Variants in PCDHA1 observed in about 807,000 individuals in gnomAD.
PCDHA1 encodes protocadherin alpha 1.
PCDHA1 carries 42 observed loss-of-function variants against 61.3 expected under a neutral mutation model. That is an observed-to-expected ratio of 0.69 (90% CI 0.54 to 0.89). The LOEUF (loss-of-function observed/expected upper bound fraction) is 0.89. PCDHA1 is among the 40% of genes least tolerant of loss of function. The pLI, the probability that PCDHA1 is intolerant of heterozygous loss-of-function variation, is 0.00. For missense variants in PCDHA1, 1,256 were observed against 1,235.3 expected (o/e 1.02, Z -0.25); for synonymous variants, 610 against 553.8 (o/e 1.10, Z -1.43).
At chr5:140,981,828 A>C (rs2096952526) in intron 2 of PCDHA1, among the ~76,000 whole-genome samples, 1 of 152,060 alleles carries the variant, frequency 6.6e-6, no homozygotes, top group Non-Finnish European at 1.5e-5. Context: ...GCTTGCCTCT[A>C]AAGGTCTCCC....
At chr5:140,842,527 G>T in intron 1 of PCDHA1, 1 of 1,613,310 alleles carries the variant, frequency 6.2e-7, no homozygotes, top group Non-Finnish European at 8.5e-7. Flanking sequence ...CCACCTTCAA[G>T]AATTACTACT....
chr5:140,862,620 G>T, intron 1 of PCDHA1: 1 of 528,384 alleles, frequency 1.9e-6, no homozygotes, highest in South Asian at 1.4e-5. Context: ...GTAACAACCC[G>T]CGGGGCTGCC....
At chr5:140,922,241 G>A (rs1314775680) in intron 1 of PCDHA1, among the ~76,000 whole-genome samples, 1 of 152,192 alleles carries the variant, frequency 6.6e-6, no homozygotes, top group Non-Finnish European at 1.5e-5. Context: ...TGATGTGTAT[G>A]AAGATAAGTT....
intron 1 of PCDHA1, chr5:140,928,607 G>T: frequency 1.2e-6 from 2 of 1,614,188 alleles, no homozygotes; most frequent in Non-Finnish European, 1.7e-6. Context: ...ATTGTGCCCC[G>T]CTCTGCCAGG....
intron 1 of PCDHA1, among the ~76,000 whole-genome samples, chr5:140,974,521 G>GT (rs1223492348): frequency 3.0e-4 from 45 of 152,208 alleles, no homozygotes; most frequent in African/African-American, 1.0e-3. Flanking sequence ...TTTTATTTTA[G>GT]TTTTTTTGAG....
At chr5:140,946,447 A>G (rs1206019841) in intron 1 of PCDHA1, among the ~76,000 whole-genome samples, 6 of 151,544 alleles carry the variant, frequency 4.0e-5, no homozygotes, top group Non-Finnish European at 7.4e-5. Context: ...AGACTAAAAC[A>G]ACTATCCAGC....
chr5:140,856,705 T>C lies in PCDHA1; in HGVS notation c.2394+68021T>C, dbSNP rs1180012715. 2.5e-6 allele frequency: 4 copies of C among 1,596,614 alleles called. No homozygotes were observed. The African/African-American group carries it at 5.4e-5, about 22-fold the overall frequency. ...TGACAGCAACTGATGGAGGCAAACC[T>C]GAATTTACCGGATCTGTTTCTCTGC... On this transcript the variant is annotated intron_variant, in intron 1 of 3. Transcript: ENST00000504120.
Position 140,796,991 on chromosome 5 carries a change from C to G in PCDHA1, c.2394+8307C>G, listed in dbSNP as rs75272992. On this transcript the variant is annotated intron_variant, in intron 1 of 3. Coordinates refer to ENST00000504120, the MANE Select transcript of PCDHA1 (RefSeq NM_018900.4). ...TCGTTGGTGGAAAGTGGCCAGGCAC[C>G]CAAGGCCTCGTCGCGGGCGTGGGTG... The G allele has an allele frequency of 4.3e-6, 7 of 1,613,756 alleles. No individual in the cohort carries two copies. The East Asian group carries it at 8.9e-5, about 21-fold the overall frequency.
intron 1 of PCDHA1, chr5:140,870,035 A>G (rs1490530166): frequency 1.2e-6 from 2 of 1,613,656 alleles, no homozygotes; most frequent in African/African-American, 2.7e-5. Context: ...GATTATGAAG[A>G]AAACAAGTTT....
At chr5:140,949,670 T>G (rs1218670800) in intron 1 of PCDHA1, among the ~76,000 whole-genome samples, 2 of 151,862 alleles carry the variant, frequency 1.3e-5, no homozygotes, top group African/African-American at 4.8e-5. Flanking sequence ...CTTTAAAGTA[T>G]GCCCTTGTTG....
intron 1 of PCDHA1, among the ~76,000 whole-genome samples, chr5:140,939,940 C>G (rs1438905083): frequency 6.6e-6 from 1 of 152,140 alleles, no homozygotes; most frequent in Non-Finnish European, 1.5e-5. Context: ...TTATCAGTTA[C>G]TGAGAAAATT....
intron 1 of PCDHA1, among the ~76,000 whole-genome samples, chr5:140,957,264 A>G (rs1554222901): frequency 1.3e-5 from 2 of 152,198 alleles, no homozygotes; most frequent in African/African-American, 2.4e-5. Flanking sequence ...ATATGTAAGC[A>G]CTAGTCCCCC....
intron 1 of PCDHA1, chr5:140,796,578 G>C (rs534491169): frequency 6.8e-6 from 11 of 1,613,324 alleles, no homozygotes; most frequent in South Asian, 1.1e-5. Flanking sequence ...TGAGCGCGCG[G>C]GATGCGGGCG....
At chr5:140,829,217 G>C (rs2150164060) in intron 1 of PCDHA1, 54 of 1,614,086 alleles carry the variant, frequency 3.3e-5, no homozygotes, top group Non-Finnish European at 4.3e-5. Flanking sequence ...TAGCGTGAAC[G>C]ACCTCGATTC....
rs553749529 is a variant in PCDHA1, at chr5:140,931,877, G to C, written c.2395-47072G>C. 3.3e-5 allele frequency among the ~76,000 whole-genome samples: 5 copies of C among 151,886 alleles called. No individual in the cohort carries two copies. The South Asian group carries it at 8.3e-4, about 25-fold the overall frequency. The stretch of plus-strand genomic sequence containing the variant: ...GGATTCTAGAAATAAAATATTTATT[G>C]CTTTCATTTTATTTCAAATCATTTG... On this transcript the variant is annotated intron_variant, in intron 1 of 3. Coordinates refer to ENST00000504120, the MANE Select transcript of PCDHA1 (RefSeq NM_018900.4).
chr5:140,841,900 G>A lies in PCDHA1; in HGVS notation c.2394+53216G>A. On this transcript the variant is annotated intron_variant, in intron 1 of 3. Coordinates refer to ENST00000504120, the MANE Select transcript of PCDHA1 (RefSeq NM_018900.4). ...AGAACGATGAGAATAAACTGGTTGA[G>A]CTCGTATTAAGAAAATCCTTGGACA... 4 of 1,613,856 alleles carry A rather than the reference G, an allele frequency of 2.5e-6. 1 individual carries two copies. Among genetic ancestry groups the A allele is most frequent in the Non-Finnish European group, 3.4e-6 (4 of 1,179,838 alleles).
At chr5:140,810,798 T>A (rs1554125570) in intron 1 of PCDHA1, 1 of 152,102 alleles carries the variant, frequency 6.6e-6, no homozygotes, top group Non-Finnish European at 1.5e-5. Context: ...TCATGGCTAG[T>A]TTTTAATTCT....
chr5:140,976,149 A>C (rs1397618914), intron 1 of PCDHA1, among the ~76,000 whole-genome samples: 1 of 152,182 alleles, frequency 6.6e-6, no homozygotes, highest in Non-Finnish European at 1.5e-5. Context: ...ACTCATGTAC[A>C]TTTTACTACT....
intron 1 of PCDHA1, chr5:140,870,676 G>C (rs561705674): frequency 1.9e-6 from 3 of 1,612,584 alleles, no homozygotes; most frequent in Non-Finnish European, 2.5e-6. Flanking sequence ...GTTGGACCAC[G>C]AGGAGCTGGA....
Sources: gnomAD v4.1 joint callset for allele counts (sites outside exome capture counted in the v4.1 genomes callset) on GRCh38, gnomAD v4.1.1 for gene constraint, MANE v1.5 for transcripts, NCBI Gene and HGNC (gene_info 2026-07-23, HGNC 2026-07-21) for gene names.